The following ASIC5 variants were observed in gnomAD, a reference collection of about 807,000 sequenced individuals.
The protein encoded by ASIC5 is bile acid-sensitive ion channel.
In ASIC5, 52 loss-of-function variants were observed where a neutral mutation model predicts 51.2. That is an observed-to-expected ratio of 1.02 (90% CI 0.81 to 1.28). The LOEUF is 1.28. Among genes scored for constraint, ASIC5 ranks in the 50% most tolerant of loss-of-function variants. ASIC5 has a pLI of 0.00. For missense variants in ASIC5, 635 were observed against 595.0 expected (o/e 1.07, Z -0.70); for synonymous variants, 231 against 200.7 (o/e 1.15, Z -1.28).
intron 4 of ASIC5, among the ~76,000 whole-genome samples, chr4:155,846,479 G>A (rs1226879676): frequency 6.6e-6 from 1 of 152,098 alleles, no homozygotes; most frequent in African/African-American, 2.4e-5. Flanking sequence ...TCCACAGGCA[G>A]TAAGGAGGTT....
intron 2 of ASIC5, among the ~76,000 whole-genome samples, chr4:155,860,926 C>T (rs886910675): frequency 6.6e-6 from 1 of 151,796 alleles, no homozygotes; most frequent in African/African-American, 2.4e-5. Flanking sequence ...GTTTTAGCTG[C>T]ATCTCAAAAG....
chr4:155,831,938 A>C, intron 8 of ASIC5, 23 bp from the exon 9 acceptor site: 1 of 1,251,142 alleles, frequency 8.0e-7, no homozygotes, highest in South Asian at 1.3e-5. Context: ...AAGAGAGTTA[A>C]TATAGCTTAA....
intron 6 of ASIC5, among the ~76,000 whole-genome samples, chr4:155,839,348 T>TACACACACACAC (rs60209135): frequency 4.1e-5 from 6 of 147,452 alleles, no homozygotes; most frequent in African/African-American, 1.5e-4. Flanking sequence ...TCTATCCATT[T>TACACACACACAC]ACACACACAC....
rs755373039 is a variant in ASIC5, at chr4:155,838,869, C to A, written c.1010G>T (p.Gly337Val). The A allele has an allele frequency of 1.9e-6, 3 of 1,551,458 alleles. No individual in the cohort carries two copies. Among genetic ancestry groups the A allele is most frequent in the Non-Finnish European group, 2.7e-6 (3 of 1,127,312 alleles). The change falls in exon 7 of 10, where the codon GGA becomes GTA. Residue 337 changes from glycine (G) to valine (V), a missense_variant and splice_region_variant. Transcript: ENST00000537611. ...TTGTAGGTCACATTCTATCCCATAT[C>A]CTTAAAAATAATAAGTGTAACATAT... ...QCGCVPFLLP[G>V]YGIECDLQKY...
chr4:155,858,937 G>T (rs976518717), intron 2 of ASIC5: 1 of 152,034 alleles, frequency 6.6e-6, no homozygotes, highest in Non-Finnish European at 1.5e-5. Flanking sequence ...TATTTGTCCT[G>T]TACCTGTGAA....
At chr4:155,850,375 T>A (rs1029668924) in intron 4 of ASIC5, among the ~76,000 whole-genome samples, 1 of 152,038 alleles carries the variant, frequency 6.6e-6, no homozygotes, top group Non-Finnish European at 1.5e-5. Context: ...CTTAGATATA[T>A]TAATTGATGT....
At chr4:155,862,762 A>G (rs941493054) in intron 2 of ASIC5, among the ~76,000 whole-genome samples, 6 of 152,126 alleles carry the variant, frequency 3.9e-5, no homozygotes, top group Non-Finnish European at 5.9e-5. Context: ...CCTTGCCTCT[A>G]CTACATTAAG....
At chr4:155,848,771 T>C (rs1474358059) in intron 4 of ASIC5, among the ~76,000 whole-genome samples, 1 of 152,050 alleles carries the variant, frequency 6.6e-6, no homozygotes, top group Non-Finnish European at 1.5e-5. Context: ...TCAGGACTCA[T>C]GGAGAGCTAA....
rs533165432 is a variant in ASIC5 at position 155,837,908 on chromosome 4, A to G, written c.1066+905T>C. Among the ~76,000 whole-genome samples, 133 of 152,132 alleles carry G rather than the reference A, an allele frequency of 8.7e-4. 3 individuals are homozygous for G. The highest frequency in any genetic ancestry group is 1.5e-3 in the Non-Finnish European group (100 of 67,972). On this transcript the variant is annotated intron_variant, in intron 7 of 9. Transcript: ENST00000537611. The stretch of plus-strand genomic sequence containing the variant: ...CAACAGTCCCCGCTAAACTGCATGC[A>G]TGGTTTTTTTCCCCAAGCTCTCCCT...
chr4:155,842,161 C>T (rs768548595), intron 6 of ASIC5, 46 bp downstream of exon 6: 85 of 1,557,416 alleles, frequency 5.5e-5, no homozygotes, highest in Non-Finnish European at 6.7e-5. Flanking sequence ...CTCTAAGAAA[C>T]ACTTAACTGT....
intron 5 of ASIC5, among the ~76,000 whole-genome samples, chr4:155,843,073 C>A (rs2111239733): frequency 6.6e-6 from 1 of 152,206 alleles, no homozygotes; most frequent in South Asian, 2.1e-4. Flanking sequence ...GGACAGCCTT[C>A]ATCTGGGACA....
chr4:155,843,433 T>C (rs72681534), intron 5 of ASIC5, among the ~76,000 whole-genome samples: 4,322 of 152,240 alleles, frequency 0.028, 92 homozygotes, highest in Non-Finnish European at 0.046. Flanking sequence ...TCTTTATACT[T>C]AATGACCCTT....
chr4:155,864,964 A>C (rs1741823936), intron 1 of ASIC5: 1 of 152,138 alleles, frequency 6.6e-6, no homozygotes, highest in South Asian at 2.1e-4. Flanking sequence ...GTATTCAACT[A>C]TCCAGCATTA....
intron 4 of ASIC5, among the ~76,000 whole-genome samples, chr4:155,847,756 T>G (rs1360207002): frequency 6.6e-6 from 1 of 151,820 alleles, no homozygotes; most frequent in Non-Finnish European, 1.5e-5. Flanking sequence ...AAAATGCATT[T>G]TTGAGATGTG....
chr4:155,838,021 A>G (rs1445235981), intron 7 of ASIC5, among the ~76,000 whole-genome samples: 1 of 152,132 alleles, frequency 6.6e-6, no homozygotes, highest in Non-Finnish European at 1.5e-5. Context: ...TTGTATATTC[A>G]GCCTGTGATC....
At chr4:155,863,157 A>G (rs1741757246) in intron 2 of ASIC5, among the ~76,000 whole-genome samples, 1 of 152,094 alleles carries the variant, frequency 6.6e-6, no homozygotes, top group Non-Finnish European at 1.5e-5. Flanking sequence ...AGTCTGGGCA[A>G]TGTAGTGAAA....
intron 9 of ASIC5, 93 bp downstream of exon 9, chr4:155,831,731 G>C (rs764352837): frequency 4.1e-6 from 3 of 738,956 alleles, no homozygotes; most frequent in Non-Finnish European, 6.6e-6. Flanking sequence ...CCAAGATGGC[G>C]CCACTGCACT....
At chr4:155,857,349 C>G (rs921745323) in intron 2 of ASIC5, among the ~76,000 whole-genome samples, 3 of 152,026 alleles carry the variant, frequency 2.0e-5, no homozygotes, top group Non-Finnish European at 2.9e-5. Flanking sequence ...GTCTCAAACT[C>G]CTGAGCTCAA....
chr4:155,853,935 A>C (rs1741454250), intron 3 of ASIC5, 142 bp downstream of exon 3: 1 of 651,122 alleles, frequency 1.5e-6, no homozygotes, highest in Non-Finnish European at 2.7e-6. Flanking sequence ...CTGATATCAT[A>C]AGGCTGAGCT....
Sources: gnomAD v4.1 joint callset for allele counts (sites outside exome capture counted in the v4.1 genomes callset) on GRCh38, gnomAD v4.1.1 for gene constraint, MANE v1.5 for transcripts, NCBI Gene and HGNC (gene_info 2026-07-23, HGNC 2026-07-21) for gene names.